The following JMJD7 variants were observed in gnomAD, a reference collection of about 807,000 sequenced individuals.
JMJD7 encodes the protein jumonji domain containing 7.
JMJD7 carries 41 observed loss-of-function variants against 41.1 expected under a neutral mutation model. The observed-to-expected ratio is 1.00, with a 90% CI of 0.78 to 1.30. The LOEUF is 1.30. Ranked by LOEUF, JMJD7 falls within the 50% of genes most tolerant of loss-of-function variation. JMJD7 has a pLI of 0.00. For synonymous variants in JMJD7, 202 were observed against 177.2 expected, an observed-to-expected ratio of 1.14 and a Z score of -1.11; for missense variants, 480 against 420.7, an observed-to-expected ratio of 1.14 and a Z score of -1.23.
intron 3 of JMJD7, 62 bp from the exon 4 acceptor site, chr15:41,835,526 A>C: frequency 6.3e-7 from 1 of 1,581,506 alleles, no homozygotes; most frequent in East Asian, 2.2e-5. Context: ...CTCTGGCATC[A>C]CTGGATGGCA....
rs560529861 is a variant in JMJD7, at chr15:41,837,162, C to T, written c.*6C>T. 2.6e-5 allele frequency: 41 copies of T among 1,598,156 alleles called. No individual in the cohort carries two copies. Among genetic ancestry groups the T allele is most frequent in the Non-Finnish European group, 3.3e-5 (39 of 1,167,802 alleles). ...AGGCTTCAGGCCTTGACTGATGGAG[C>T]ACTGGTGAACACCACCAAGCACGCC... On this transcript the variant is annotated 3_prime_UTR_variant, in exon 8 of 8. Transcript: ENST00000397299.
chr15:41,828,894 A>G (rs1380208038), intron 1 of JMJD7, among the ~76,000 whole-genome samples: 1 of 152,180 alleles, frequency 6.6e-6, no homozygotes, highest in Non-Finnish European at 1.5e-5. Flanking sequence ...ATCATTTCAC[A>G]TTCCTCTACC....
chr15:41,837,487 G>A lies in JMJD7; in HGVS notation c.*331G>A. On this transcript the variant is annotated 3_prime_UTR_variant, in exon 8 of 8. Transcript: ENST00000397299. ...TGTCAGTAAAGAGATAATAATGGCT[G>A]TACCTCGCGGGGCTGTTGTGGGCTT... The A allele has an allele frequency of 2.8e-6, 1 of 362,836 alleles. No individual in the cohort carries two copies. The highest frequency in any genetic ancestry group is 5.0e-6 in the Non-Finnish European group (1 of 199,330). The allele number at this position is 362,836 out of a possible 1,614,324, so 22.5% of individuals were successfully genotyped here. A position where few individuals can be genotyped will look rare whatever the true frequency, so the allele number is the denominator to read the frequency against.
chr15:41,831,513 T>C (rs745784075), intron 1 of JMJD7, among the ~76,000 whole-genome samples: 4 of 152,202 alleles, frequency 2.6e-5, no homozygotes, highest in African/African-American at 4.8e-5. Context: ...CCACGGCCTT[T>C]TGGCTCGACC....
chr15:41,828,950 A>G (rs1183250907), intron 1 of JMJD7, among the ~76,000 whole-genome samples: 1 of 152,160 alleles, frequency 6.6e-6, no homozygotes, highest in Non-Finnish European at 1.5e-5. Flanking sequence ...TCACTTAGTC[A>G]TTTAGGTCAT....
chr15:41,837,064 A>G lies in JMJD7; in HGVS notation c.863-4A>G, dbSNP rs2065333850. Reference sequence around the variant, plus strand: ...TCATGCTCAGATCCCCGTTCTTCCCACAGTGAATTTCTGGTATGACATGGA... The same window carrying G: ...TCATGCTCAGATCCCCGTTCTTCCCGCAGTGAATTTCTGGTATGACATGGA... On this transcript the variant is annotated splice_polypyrimidine_tract_variant and splice_region_variant and intron_variant, in intron 7 of 7. Coordinates refer to ENST00000397299, the MANE Select transcript of JMJD7 (RefSeq NM_001114632.2). The G allele has an allele frequency of 6.2e-7, 1 of 1,612,726 alleles. No individual in the cohort carries two copies.
chr15:41,833,356 G>A (rs2065255831), intron 1 of JMJD7, among the ~76,000 whole-genome samples: 1 of 141,042 alleles, frequency 7.1e-6, no homozygotes, highest in Non-Finnish European at 1.5e-5. Context: ...TTCTAGCAAG[G>A]GTGAAAGAAT....
At position 41,828,124 on chromosome 15, in the gene JMJD7, C is replaced by T. The variant is rs770443682; in HGVS notation, c.-1C>T. The T allele has an allele frequency of 2.1e-6, 3 of 1,459,452 alleles. No homozygotes were observed. The highest frequency in any genetic ancestry group is 1.5e-5 in the African/African-American group (1 of 67,120). The allele number at this position is 1,459,452 out of a possible 1,614,324, so 90.4% of individuals were successfully genotyped here. On this transcript the variant is annotated 5_prime_UTR_variant, in exon 1 of 8. Transcript: ENST00000397299. ...GGGTCTCGGCCGGCGCTGACGCAGCCATGGCGGAGGCGGCTTTGGAAGCCG... is the reference window on the plus strand; with the variant it reads ...GGGTCTCGGCCGGCGCTGACGCAGCTATGGCGGAGGCGGCTTTGGAAGCCG...
chr15:41,836,615 G>A, intron 6 of JMJD7, 64 bp downstream of exon 6: 2 of 1,486,522 alleles, frequency 1.3e-6, no homozygotes, highest in Non-Finnish European at 1.8e-6. Context: ...TGAAGAACAG[G>A]CACAAAAGAT....
At position 41,836,227 on chromosome 15, in the gene JMJD7, G is replaced by T; in HGVS notation, c.609G>T (p.Arg203=). The change falls in exon 5 of 8, where the codon CGG becomes CGT. Residue 203 remains arginine, a synonymous_variant. Transcript: ENST00000397299. The part of the protein sequence containing the change: ...KHFLFHPPSD[R]PFIPYELYTP... ...TCCTGTTCCATCCGCCCAGCGACCG[G>T]CCCTTCATCCCCTATGGTAGGGGAT... 1 of 1,613,016 alleles carries T rather than the reference G, an allele frequency of 6.2e-7. No homozygotes were observed. The highest frequency in any genetic ancestry group is 8.5e-7 in the Non-Finnish European group (1 of 1,179,520).
chr15:41,835,125 T>A lies in JMJD7; in HGVS notation c.374T>A (p.Val125Asp), dbSNP rs979753126. 1 of 1,610,604 alleles carries A rather than the reference T, an allele frequency of 6.2e-7. No individual in the cohort carries two copies. The highest frequency in any genetic ancestry group is 8.5e-7 in the Non-Finnish European group (1 of 1,179,928). Reference sequence around the variant, plus strand: ...GAGGGCCGGGCCCAGCACCCTGGAGTCCTCTATGTGCAGAAGCAGTGCTCC... The same window carrying A: ...GAGGGCCGGGCCCAGCACCCTGGAGACCTCTATGTGCAGAAGCAGTGCTCC... ...VLEGRAQHPG[V>D]LYVQKQCSNL... Residue 125 changes from valine (V) to aspartate (D), a missense_variant, in exon 3 of 8, where the codon GTC (valine) becomes GAC (aspartate). Transcript: ENST00000397299.
At chr15:41,833,414 A>ATATATATAT (rs1239528383) in intron 1 of JMJD7, among the ~76,000 whole-genome samples, 68 of 32,034 alleles carry the variant, frequency 2.1e-3, no homozygotes, top group African/African-American at 2.5e-3. Context: ...ATATATATAT[A>ATATATATAT]TTTTTTTTTT....
chr15:41,828,300 C>T, intron 1 of JMJD7, 112 bp downstream of exon 1: 1 of 1,285,674 alleles, frequency 7.8e-7, no homozygotes, highest in Non-Finnish European at 1.0e-6. Context: ...TGAGGCCCCG[C>T]TCGGGTTGCT....
At position 41,834,856 on chromosome 15, in the gene JMJD7, T is replaced by C. The variant is rs199606306; in HGVS notation, c.181T>C (p.Trp61Arg). The change falls in exon 2 of 8, where the codon TGG (tryptophan) becomes CGG (arginine). Residue 61 changes from tryptophan to arginine, a missense_variant. Transcript: ENST00000397299. The stretch of plus-strand genomic sequence containing the variant: ...CATTATCCGCAACGCTCTGCAGCAC[T>C]GGCCGGCCCTCCAGAAGTGGTCCCT... ...PCIIRNALQH[W>R]PALQKWSLPY... 1.2e-6 allele frequency: 2 copies of C among 1,614,198 alleles called. No individual in the cohort carries two copies. The highest frequency in any genetic ancestry group is 2.2e-5 in the East Asian group (1 of 44,888).
Position 41,828,178 on chromosome 15 carries a change from C to A in JMJD7, c.54C>A (p.Ala18=). The part of the protein sequence containing the change: ...AVRSELREFP[A]AARELCVPLA... ...GGAGCGAGTTACGAGAATTCCCGGCCGCTGCAAGGGGTGAGTGGCTCTCCC... is the reference window on the plus strand; with the variant it reads ...GGAGCGAGTTACGAGAATTCCCGGCAGCTGCAAGGGGTGAGTGGCTCTCCC... Residue 18 remains alanine, a synonymous_variant, in exon 1 of 8, where the codon GCC becomes GCA. Transcript: ENST00000397299. 6.7e-7 allele frequency: 1 copy of A among 1,494,224 alleles called. No individual in the cohort carries two copies. The highest frequency in any genetic ancestry group is 8.8e-7 in the Non-Finnish European group (1 of 1,130,708). The allele number at this position is 1,494,224 out of a possible 1,614,324, so 92.6% of individuals were successfully genotyped here.
Position 41,835,648 on chromosome 15 carries a change from G to T in JMJD7, c.529+4G>T. On this transcript the variant is annotated splice_donor_region_variant and intron_variant, in intron 4 of 7. Transcript: ENST00000397299. Reference sequence around the variant, plus strand: ...GAGGCGGCTGCAGTGACTTCTTGTAGGTGTAAGGGGAATACAAAGGTGGGG... The same window carrying T: ...GAGGCGGCTGCAGTGACTTCTTGTATGTGTAAGGGGAATACAAAGGTGGGG... 6.2e-7 allele frequency: 1 copy of T among 1,613,106 alleles called. No individual in the cohort carries two copies. The highest frequency in any genetic ancestry group is 8.5e-7 in the Non-Finnish European group (1 of 1,179,546).
At chr15:41,835,545 C>T (rs1596114768) in intron 3 of JMJD7, 43 bp from the exon 4 acceptor site, 3 of 1,596,674 alleles carry the variant, frequency 1.9e-6, no homozygotes, top group Non-Finnish European at 2.6e-6. Flanking sequence ...CAGCTTTCCC[C>T]AGCCTGGCCT....
chr15:41,831,991 C>T (rs1037437109), intron 1 of JMJD7, among the ~76,000 whole-genome samples: 2 of 152,212 alleles, frequency 1.3e-5, no homozygotes, highest in Non-Finnish European at 2.9e-5. Context: ...GGGGTTCTGA[C>T]ACCCTCTTTA....
In JMJD7 at chr15:41,828,116, G is replaced by A; in HGVS notation, c.-9G>A. 2.8e-6 allele frequency: 4 copies of A among 1,451,264 alleles called. No homozygotes were observed. The highest frequency in any genetic ancestry group is 3.6e-6 in the Non-Finnish European group (4 of 1,105,084). 89.9% of individuals were successfully genotyped at this position (1,451,264 alleles called of 1,614,324 possible). A position where few individuals can be genotyped will look rare whatever the true frequency, so the allele number is the denominator to read the frequency against. ...GAAAGGCGGGGTCTCGGCCGGCGCT[G>A]ACGCAGCCATGGCGGAGGCGGCTTT... On this transcript the variant is annotated 5_prime_UTR_variant, in exon 1 of 8. Coordinates refer to ENST00000397299, the MANE Select transcript of JMJD7 (RefSeq NM_001114632.2).
Sources: allele counts gnomAD v4.1 joint callset (sites outside exome capture counted in the v4.1 genomes callset), GRCh38; gene constraint gnomAD v4.1.1; transcripts MANE v1.5; gene names NCBI Gene and HGNC (gene_info 2026-07-23, HGNC 2026-07-21).